CCDC3: variants seen among roughly 807,000 people sequenced by gnomAD.
CCDC3 encodes the protein coiled-coil domain containing 3, also known as coiled-coil domain-containing protein 3.
Under a neutral mutation model 21.4 loss-of-function variants are expected in CCDC3, and 24 were observed. That is an observed-to-expected ratio of 1.12 (90% confidence interval 0.81 to 1.58). The LOEUF is 1.58. Ranked by LOEUF, CCDC3 falls within the 40% of genes most tolerant of loss-of-function variation. The probability of loss-of-function intolerance (pLI) is 0.00; values close to 1 mark genes in which losing one functional copy is unlikely to be tolerated. For missense variants in CCDC3, 425 were observed against 360.9 expected, an observed-to-expected ratio of 1.18 and a Z score of -1.44; for synonymous variants, 186 against 166.0, an observed-to-expected ratio of 1.12 and a Z score of -0.93.
chr10:13,032,895 T>C (rs1836324307), intron 5 of CCDC3, among the ~76,000 whole-genome samples: 2 of 152,092 alleles, frequency 1.3e-5, no homozygotes, highest in Admixed American at 1.3e-4. Context: ...AGAATCAATA[T>C]CGTGAACATG....
intron 2 of CCDC3, among the ~76,000 whole-genome samples, chr10:12,920,708 T>C (rs1333002668): frequency 6.6e-6 from 1 of 152,224 alleles, no homozygotes; most frequent in Non-Finnish European, 1.5e-5. Context: ...TATTCTGACA[T>C]TCCACCCATA....
chr10:12,928,045 G>T (rs1834573359), intron 2 of CCDC3, among the ~76,000 whole-genome samples: 1 of 152,208 alleles, frequency 6.6e-6, no homozygotes, highest in Non-Finnish European at 1.5e-5. Flanking sequence ...AGTTGTCAGG[G>T]AATGCAGGTG....
At chr10:12,961,681 T>C (rs1336259245) in intron 2 of CCDC3, among the ~76,000 whole-genome samples, 1 of 152,190 alleles carries the variant, frequency 6.6e-6, no homozygotes, top group Admixed American at 6.5e-5. Context: ...AGGAAGGCTT[T>C]GCATGAGGAA....
intron 2 of CCDC3, among the ~76,000 whole-genome samples, chr10:12,997,970 T>A (rs561014963): frequency 2.6e-4 from 39 of 152,280 alleles, no homozygotes; most frequent in African/African-American, 9.1e-4. Context: ...TTTACAAATT[T>A]GTGTTGGGCC....
intron 2 of CCDC3, among the ~76,000 whole-genome samples, chr10:12,971,139 G>A (rs553879169): frequency 3.9e-4 from 60 of 152,312 alleles, no homozygotes; most frequent in South Asian, 3.7e-3. Flanking sequence ...TCCACAGAGT[G>A]CTGCCTCCCT....
intron 2 of CCDC3, among the ~76,000 whole-genome samples, chr10:12,993,431 A>G (rs1564312815): frequency 6.6e-6 from 1 of 152,178 alleles, no homozygotes; most frequent in East Asian, 1.9e-4. Context: ...TCCCAACTCC[A>G]AAAGAAGAAA....
chr10:12,998,317 C>T (rs1465560318), intron 2 of CCDC3, 21 bp downstream of exon 2: 2 of 1,608,486 alleles, frequency 1.2e-6, no homozygotes, highest in African/African-American at 1.3e-5. Context: ...TGCTGTGGCA[C>T]AGGATTTAGC....
At chr10:13,075,472 C>T (rs989053753) in intron 3 of CCDC3, among the ~76,000 whole-genome samples, 1 of 151,712 alleles carries the variant, frequency 6.6e-6, no homozygotes, top group Non-Finnish European at 1.5e-5. Context: ...ACGTCCCAGC[C>T]TGGGTAGGTG....
At chr10:12,975,577 CAGGTGGCCA>C in intron 2 of CCDC3, among the ~76,000 whole-genome samples, 1 of 152,298 alleles carries the variant, frequency 6.6e-6, no homozygotes, top group Non-Finnish European at 1.5e-5. Context: ...TCCCTTTGTG[CAGGTGGCCA>C]AGGCTGCAGC....
intron 5 of CCDC3, among the ~76,000 whole-genome samples, chr10:13,022,384 T>G (rs921945947): frequency 6.6e-6 from 1 of 152,094 alleles, no homozygotes; most frequent in Non-Finnish European, 1.5e-5. Flanking sequence ...AAATTTTGAT[T>G]CAGGGTGAAA....
intron 2 of CCDC3, among the ~76,000 whole-genome samples, chr10:12,914,407 G>A (rs1193021636): frequency 5.9e-5 from 9 of 151,754 alleles, no homozygotes; most frequent in African/African-American, 1.5e-4. Context: ...GTATTTCTGC[G>A]GTATCAGTGT....
chr10:12,918,740 C>T (rs148454130), intron 2 of CCDC3, among the ~76,000 whole-genome samples: 300 of 152,244 alleles, frequency 2.0e-3, no homozygotes, highest in Admixed American at 3.3e-3. Flanking sequence ...TTCCAACATA[C>T]ATTATCGAGT....
chr10:12,936,615 T>C (rs1038041066), intron 2 of CCDC3, among the ~76,000 whole-genome samples: 6 of 152,240 alleles, frequency 3.9e-5, no homozygotes, highest in African/African-American at 1.4e-4. Context: ...GCAGGTTAGA[T>C]TCTGGTTGAA....
At chr10:13,011,482 G>T (rs1835983495) in intron 5 of CCDC3, among the ~76,000 whole-genome samples, 1 of 152,222 alleles carries the variant, frequency 6.6e-6, no homozygotes, top group South Asian at 2.1e-4. Flanking sequence ...GCTAACCAGG[G>T]AGGTGAAAGA....
intron 2 of CCDC3, among the ~76,000 whole-genome samples, chr10:12,948,222 C>A (rs192982179): frequency 5.9e-5 from 9 of 152,286 alleles, no homozygotes; most frequent in Non-Finnish European, 8.8e-5. Context: ...TGTGCCTTTG[C>A]TCTTCCTTCG....
rs145314140 is a variant in CCDC3, at chr10:13,034,637, G to A, written c.-2+15037C>T. On this transcript the variant is annotated intron_variant, in intron 5 of 6. Transcript: ENST00000378839. The stretch of plus-strand genomic sequence containing the variant: ...TTCCAATGGGACCTTTTTTGTATTA[G>A]TTCAGTCCAGATTCCTCTAAACTAT... Among the ~76,000 whole-genome samples, 5 of 151,694 alleles carry A rather than the reference G, an allele frequency of 3.3e-5. No homozygotes were observed. The East Asian group carries it at 9.7e-4, about 29-fold the overall frequency.
intron 4 of CCDC3, among the ~76,000 whole-genome samples, chr10:13,070,734 G>T (rs1836872114): frequency 6.6e-6 from 1 of 152,196 alleles, no homozygotes; most frequent in Non-Finnish European, 1.5e-5. Flanking sequence ...AAAGGCCTAT[G>T]TGGAAATAAT....
intron 2 of CCDC3, among the ~76,000 whole-genome samples, chr10:12,980,601 T>C (rs1173231838): frequency 1.3e-5 from 2 of 152,014 alleles, no homozygotes; most frequent in South Asian, 2.1e-4. Context: ...CCGGAGAAGT[T>C]TGCATGAGCT....
chr10:13,058,669 A>G, intron 4 of CCDC3: 1 of 504,712 alleles, frequency 2.0e-6, no homozygotes, highest in South Asian at 2.6e-5. Flanking sequence ...AACTTTAACA[A>G]ACCCCACCCT....
Sources: allele counts gnomAD v4.1 joint callset (sites outside exome capture counted in the v4.1 genomes callset), GRCh38; gene constraint gnomAD v4.1.1; transcripts MANE v1.5; gene names NCBI Gene and HGNC (gene_info 2026-07-23, HGNC 2026-07-21).